DOCK8: variants seen among roughly 807,000 people sequenced by gnomAD.
The protein encoded by DOCK8 is dedicator of cytokinesis protein 8.
In DOCK8, 141 loss-of-function variants were observed where a neutral mutation model predicts 245.6. That is an observed-to-expected ratio of 0.57 (90% CI 0.50 to 0.66). The LOEUF (loss-of-function observed/expected upper bound fraction) is 0.66. DOCK8 is among the 30% of genes least tolerant of loss of function. The pLI, the probability that DOCK8 is intolerant of heterozygous loss-of-function variation, is 0.00. For synonymous variants in DOCK8, 1,168 were observed against 970.2 expected (o/e 1.20, Z -3.79); for missense variants, 2,965 against 2,603.4 (o/e 1.14, Z -3.02).
chr9:304,189 T>A (rs2049697173), intron 4 of DOCK8, among the ~76,000 whole-genome samples: 1 of 152,138 alleles, frequency 6.6e-6, no homozygotes, highest in Non-Finnish European at 1.5e-5. Context: ...GATTAAATGG[T>A]TTTCTCTATT....
intron 14 of DOCK8, among the ~76,000 whole-genome samples, chr9:343,805 G>T (rs2051728860): frequency 6.6e-6 from 1 of 152,198 alleles, no homozygotes; most frequent in Admixed American, 6.5e-5. Flanking sequence ...CTATAATCGG[G>T]AAACAATGCT....
upstream of DOCK8, chr9:214,849 G>A: frequency 6.2e-7 from 1 of 1,602,136 alleles, no homozygotes; most frequent in Non-Finnish European, 8.5e-7. Context: ...AAATGCGGAA[G>A]TTTCCAGCGC....
chr9:339,534 G>T (rs1384741799), intron 13 of DOCK8, among the ~76,000 whole-genome samples: 1 of 152,044 alleles, frequency 6.6e-6, no homozygotes, highest in African/African-American at 2.4e-5. Flanking sequence ...TTGTTTTTTT[G>T]AGATGGAGTC....
chr9:312,228 A>G (rs538057368), intron 6 of DOCK8, 62 bp downstream of exon 6: 21 of 1,572,428 alleles, frequency 1.3e-5, no homozygotes, highest in African/African-American at 4.1e-5. Flanking sequence ...CATGTGGACA[A>G]TTGTGTTGTT....
intron 7 of DOCK8, among the ~76,000 whole-genome samples, chr9:325,110 G>A (rs1176237738): frequency 2.1e-5 from 3 of 141,856 alleles, no homozygotes; most frequent in African/African-American, 5.4e-5. Flanking sequence ...AACAACCCCC[G>A]GCTCCATCCA....
chr9:372,619 A>G (rs2053344127), intron 18 of DOCK8, among the ~76,000 whole-genome samples: 2 of 151,844 alleles, frequency 1.3e-5, no homozygotes, highest in Non-Finnish European at 2.9e-5. Flanking sequence ...GATCCTTATA[A>G]AAGATTCCCA....
chr9:288,403 G>C (rs1047752618), intron 3 of DOCK8, among the ~76,000 whole-genome samples: 24 of 152,094 alleles, frequency 1.6e-4, no homozygotes, highest in African/African-American at 5.3e-4. Context: ...TGTGTGACTT[G>C]GAACAAGATC....
intron 4 of DOCK8, among the ~76,000 whole-genome samples, chr9:303,210 T>C (rs1563897456): frequency 2.0e-5 from 3 of 151,362 alleles, no homozygotes; most frequent in Admixed American, 6.6e-5. Context: ...GTTCAGTCAC[T>C]ATGGAATGCA....
chr9:377,205 C>T lies in DOCK8; in HGVS notation c.2434C>T (p.Gln812Ter). 1 of 1,589,684 alleles carries T rather than the reference C, an allele frequency of 6.3e-7. No individual in the cohort carries two copies. The highest frequency in any genetic ancestry group is 8.5e-7 in the Non-Finnish European group (1 of 1,173,940). The change falls in exon 20 of 48, where the codon CAG becomes TAG. Residue 812 changes from glutamine (Q) to a stop codon, truncating the protein, a stop_gained. Transcript: ENST00000432829. LOFTEE classifies it high-confidence loss of function. ...CGTGCAGCCCATGGTCATCGCTGGCCAGACAGGTATGAACCTGCAGGGCTG... is the reference window on the plus strand; with the variant it reads ...CGTGCAGCCCATGGTCATCGCTGGCTAGACAGGTATGAACCTGCAGGGCTG... ...LSVQPMVIAGQTANFSQFAFE... is the reference protein window; with the variant it reads ...LSVQPMVIAG
chr9:302,084 G>T (rs80321037), intron 4 of DOCK8, among the ~76,000 whole-genome samples: 3,935 of 152,154 alleles, frequency 0.026, 82 homozygotes, highest in South Asian at 0.055. Context: ...GCATCACACT[G>T]TGTGACTTCA....
intron 10 of DOCK8, among the ~76,000 whole-genome samples, chr9:332,693 T>A (rs1289714113): frequency 1.3e-5 from 2 of 149,328 alleles, no homozygotes; most frequent in East Asian, 3.9e-4. Context: ...TGTCTTACTT[T>A]ATCTCCCAGG....
At chr9:229,077 C>T (rs769870236) in intron 1 of DOCK8, among the ~76,000 whole-genome samples, 2 of 152,162 alleles carry the variant, frequency 1.3e-5, no homozygotes, top group Non-Finnish European at 2.9e-5. Context: ...ACGTCACTTC[C>T]ACCACATTCA....
intron 35 of DOCK8, 60 bp downstream of exon 35, chr9:428,556 C>T (rs565979074): frequency 3.1e-6 from 5 of 1,599,470 alleles, no homozygotes; most frequent in Middle Eastern, 1.7e-4. Flanking sequence ...CATCTAGCTT[C>T]ATACTTCTCT....
At chr9:277,711 A>T (rs2048415618) in intron 2 of DOCK8, among the ~76,000 whole-genome samples, 1 of 152,150 alleles carries the variant, frequency 6.6e-6, no homozygotes, top group Admixed American at 6.5e-5. Flanking sequence ...ACAATTTTGA[A>T]GTGAAATGGA....
Position 452,065 on chromosome 9 carries a change from C to G in DOCK8, c.6016C>G (p.Leu2006Val), listed in dbSNP as rs1255296395. 1 of 1,584,590 alleles carries G rather than the reference C, an allele frequency of 6.3e-7. No homozygotes were observed. The highest frequency in any genetic ancestry group is 8.6e-7 in the Non-Finnish European group (1 of 1,163,622). Residue 2006 changes from leucine to valine, a missense_variant, in exon 46 of 48, where the codon CTC becomes GTC. Transcript: ENST00000432829. ...FLAEIPADPK[L>V]YRHHNKLRLC... ...GGCTGAAATTCCTGCTGATCCAAAACTCTATCGACATCACAACAAGTTGAG... is the reference window on the plus strand; with the variant it reads ...GGCTGAAATTCCTGCTGATCCAAAAGTCTATCGACATCACAACAAGTTGAG...
chr9:446,065 T>A (rs1395498766), intron 43 of DOCK8, among the ~76,000 whole-genome samples: 2 of 152,246 alleles, frequency 1.3e-5, no homozygotes, highest in Non-Finnish European at 2.9e-5. Context: ...CTCTTTGGAA[T>A]AGCAGTTTGC....
chr9:315,342 C>T (rs2130731438), intron 6 of DOCK8, among the ~76,000 whole-genome samples: 2 of 152,172 alleles, frequency 1.3e-5, no homozygotes, highest in Middle Eastern at 3.4e-3. Context: ...AATTAGTTGC[C>T]ATTTCAGTTA....
intron 18 of DOCK8, among the ~76,000 whole-genome samples, chr9:373,734 C>T (rs1346356798): frequency 1.3e-5 from 2 of 152,144 alleles, no homozygotes; most frequent in Non-Finnish European, 2.9e-5. Flanking sequence ...CAACTTTTGC[C>T]CTGGACCACA....
At chr9:271,907 C>T (rs545718005) in intron 2 of DOCK8, among the ~76,000 whole-genome samples, 178 bp downstream of exon 2, 3 of 152,248 alleles carry the variant, frequency 2.0e-5, no homozygotes, top group East Asian at 1.9e-4. Flanking sequence ...CTCTGCCAAC[C>T]GGTACTTAGG....
Sources: gnomAD v4.1 joint callset for allele counts (sites outside exome capture counted in the v4.1 genomes callset) on GRCh38, gnomAD v4.1.1 for gene constraint, MANE v1.5 for transcripts, NCBI Gene and HGNC (gene_info 2026-07-23, HGNC 2026-07-21) for gene names.